MAGI2: variants seen among roughly 807,000 people sequenced by gnomAD.
MAGI2 encodes the protein membrane-associated guanylate kinase, WW and PDZ domain-containing protein 2.
In MAGI2, 35 loss-of-function variants were observed where a neutral mutation model predicts 133.3. That is an observed-to-expected ratio of 0.26 (90% CI 0.20 to 0.35). The LOEUF (loss-of-function observed/expected upper bound fraction) is 0.35, where lower values mean the gene tolerates loss of function less well. Among genes scored for constraint, MAGI2 ranks in the 10% least tolerant of loss-of-function variants. The pLI, the probability that MAGI2 is intolerant of heterozygous loss-of-function variation, is 1.00. For missense variants in MAGI2, 1,636 were observed against 1,863.4 expected (o/e 0.88, Z 2.25); for synonymous variants, 729 against 710.6 (o/e 1.03, Z -0.41).
At chr7:79,209,953 G>C (rs1186555979) in intron 1 of MAGI2, among the ~76,000 whole-genome samples, 1 of 151,872 alleles carries the variant, frequency 6.6e-6, no homozygotes, top group East Asian at 1.9e-4. Context: ...TATTAAATAA[G>C]CATACAGTTT....
At chr7:78,737,990 C>A (rs1230354922) in intron 2 of MAGI2, among the ~76,000 whole-genome samples, 1 of 152,006 alleles carries the variant, frequency 6.6e-6, no homozygotes, top group African/African-American at 2.4e-5. Flanking sequence ...AACTGCAATA[C>A]ATTTCATTAC....
chr7:78,996,663 A>G (rs1558422), intron 2 of MAGI2, among the ~76,000 whole-genome samples: 56,810 of 151,998 alleles, frequency 0.37, 13,065 homozygotes, highest in East Asian at 0.57. Flanking sequence ...ACTTAAAATA[A>G]AAGTTAATAA....
chr7:78,417,304 T>TAA lies in MAGI2; in HGVS notation c.1046-48093_1046-48092dup, dbSNP rs5885059. On this transcript the variant is annotated intron_variant, in intron 6 of 21. Transcript: ENST00000354212. ...CAATCCATAAAATAAAACCATTTTC[T>TAA]AAAAAAAAAAAAATATTCATTGCCT... Among the ~76,000 whole-genome samples the TAA allele has an allele frequency of 4.3e-3, 633 of 148,030 alleles. 2 individuals carry two copies. Among genetic ancestry groups the TAA allele is most frequent in the African/African-American group, 0.014 (585 of 40,422 alleles).
chr7:78,394,446 C>T (rs894247972), intron 6 of MAGI2, among the ~76,000 whole-genome samples: 1 of 152,176 alleles, frequency 6.6e-6, no homozygotes, highest in African/African-American at 2.4e-5. Context: ...TCCTCTGCCA[C>T]AGAAACCTTT....
chr7:79,345,368 A>G (rs1841234302), intron 1 of MAGI2, among the ~76,000 whole-genome samples: 1 of 152,080 alleles, frequency 6.6e-6, no homozygotes, highest in Non-Finnish European at 1.5e-5. Context: ...TCTTTCTCAC[A>G]GGACTCAGAA....
At chr7:78,649,222 TAA>T (rs1361378575) in intron 2 of MAGI2, among the ~76,000 whole-genome samples, 3 of 45,034 alleles carry the variant, frequency 6.7e-5, no homozygotes, top group Non-Finnish European at 1.2e-4. Flanking sequence ...TGACTTGTGG[TAA>T]AAAAAAAAAA....
intron 21 of MAGI2, among the ~76,000 whole-genome samples, chr7:78,048,586 T>G (rs2151101874): frequency 6.6e-6 from 1 of 152,300 alleles, no homozygotes; most frequent in East Asian, 1.9e-4. Flanking sequence ...ACTCTCTTAA[T>G]TTAGATTTTC....
chr7:78,830,747 G>A (rs750132334), intron 2 of MAGI2, among the ~76,000 whole-genome samples: 5 of 152,154 alleles, frequency 3.3e-5, no homozygotes, highest in Non-Finnish European at 7.4e-5. Flanking sequence ...TGCCTTCTAT[G>A]AGGCAGAAAA....
intron 13 of MAGI2, among the ~76,000 whole-genome samples, chr7:78,184,099 C>T (rs567758975): frequency 4.6e-5 from 7 of 152,238 alleles, no homozygotes; most frequent in African/African-American, 1.7e-4. Context: ...GGGCCATTCT[C>T]CTTCTCTTGT....
chr7:78,827,978 A>C (rs1790813094), intron 2 of MAGI2, among the ~76,000 whole-genome samples: 1 of 152,032 alleles, frequency 6.6e-6, no homozygotes, highest in South Asian at 2.1e-4. Flanking sequence ...TCCGCCTCCC[A>C]GGTTCAAGTG....
chr7:79,179,120 A>G (rs1826381130), intron 1 of MAGI2, among the ~76,000 whole-genome samples: 1 of 152,064 alleles, frequency 6.6e-6, no homozygotes, highest in Non-Finnish European at 1.5e-5. Context: ...TCAGTAAAAA[A>G]TGCACCACAT....
intron 1 of MAGI2, among the ~76,000 whole-genome samples, chr7:79,268,145 A>C (rs1029185664): frequency 2.0e-5 from 3 of 152,298 alleles, no homozygotes; most frequent in African/African-American, 4.8e-5. Context: ...TAGAAGCAGG[A>C]GAAGGTTAAA....
intron 6 of MAGI2, among the ~76,000 whole-genome samples, chr7:78,437,316 C>T (rs1800391671): frequency 6.6e-6 from 1 of 152,146 alleles, no homozygotes; most frequent in Non-Finnish European, 1.5e-5. Context: ...GTTCTTTCTA[C>T]TTTCTACTAA....
intron 2 of MAGI2, among the ~76,000 whole-genome samples, chr7:78,735,822 T>G (rs935145058): frequency 1.3e-5 from 2 of 152,110 alleles, no homozygotes; most frequent in African/African-American, 4.8e-5. Flanking sequence ...TCTAATAGAT[T>G]TACTTTTAAA....
chr7:78,920,672 T>C (rs1799154407), intron 2 of MAGI2, among the ~76,000 whole-genome samples: 2 of 152,132 alleles, frequency 1.3e-5, no homozygotes, highest in Admixed American at 6.6e-5. Context: ...AGCTAATTTT[T>C]TCCTATCTTT....
chr7:79,182,698 A>G (rs1183030391), intron 1 of MAGI2, among the ~76,000 whole-genome samples: 1 of 152,002 alleles, frequency 6.6e-6, no homozygotes. Flanking sequence ...TCCAAAGAAA[A>G]AGAAACTAAT....
intron 6 of MAGI2, among the ~76,000 whole-genome samples, chr7:78,373,557 G>A (rs62461499): frequency 0.47 from 41,362 of 87,862 alleles, 6,546 homozygotes; most frequent in African/African-American, 0.57. Context: ...TCTTACTATT[G>A]GAGGGCTCCT....
chr7:79,173,923 T>C (rs925080525), intron 1 of MAGI2, among the ~76,000 whole-genome samples: 35 of 152,036 alleles, frequency 2.3e-4, no homozygotes, highest in African/African-American at 8.2e-4. Context: ...TGTCATATTT[T>C]CCAGAAAGAA....
intron 1 of MAGI2, among the ~76,000 whole-genome samples, chr7:79,320,817 C>A (rs1357723129): frequency 6.6e-6 from 1 of 152,018 alleles, no homozygotes; most frequent in Admixed American, 6.6e-5. Flanking sequence ...CACATCAAAG[C>A]CAAAGTTACT....
Sources: gnomAD v4.1 joint callset for allele counts (sites outside exome capture counted in the v4.1 genomes callset) on GRCh38, gnomAD v4.1.1 for gene constraint, MANE v1.5 for transcripts, NCBI Gene and HGNC (gene_info 2026-07-23, HGNC 2026-07-21) for gene names.